Variants in LRRC40 observed in about 807,000 individuals in gnomAD.
The protein encoded by LRRC40 is leucine-rich repeat-containing protein 40.
A neutral mutation model predicts 72.8 loss-of-function variants in LRRC40; 76 were observed. The observed-to-expected ratio is 1.04, with a 90% CI of 0.87 to 1.26. LRRC40 has a LOEUF of 1.26. Among genes scored for constraint, LRRC40 ranks in the 50% most tolerant of loss-of-function variants. LRRC40 has a pLI of 0.00. For missense variants in LRRC40, 684 were observed against 698.9 expected (o/e 0.98, Z 0.24); for synonymous variants, 243 against 254.2 (o/e 0.96, Z 0.42).
At chr1:70,187,154 A>C in intron 3 of LRRC40, 111 bp downstream of exon 3, 1 of 590,226 alleles carries the variant, frequency 1.7e-6, no homozygotes, top group Non-Finnish European at 3.0e-6. Context: ...TTCTGCTTTA[A>C]CTACTTTCTG....
rs147531359 is a variant in LRRC40 at position 70,154,999 on chromosome 1, T to C, written c.1328+690A>G. On this transcript the variant is annotated intron_variant, in intron 11 of 14. Coordinates refer to ENST00000370952, the MANE Select transcript of LRRC40 (RefSeq NM_017768.5). ...TATCAGTACCCTATCCTGTCTCACA[T>C]TGGGTTGTTTTAATTGCTAGATTAT... Among the ~76,000 whole-genome samples, 29 of 152,264 alleles carry C rather than the reference T, an allele frequency of 1.9e-4. No individual in the cohort carries two copies. In the East Asian group the frequency reaches 3.5e-3, roughly 18 times the overall value.
At chr1:70,147,963 T>C (rs988555536) in intron 14 of LRRC40, 1 of 151,904 alleles carries the variant, frequency 6.6e-6, no homozygotes, top group Non-Finnish European at 1.5e-5. Flanking sequence ...TGATGGGAAA[T>C]CAGGGACTAA....
chr1:70,173,627 T>G lies in LRRC40; in HGVS notation c.1060A>C (p.Ile354Leu). The change falls in exon 8 of 15, where the codon ATA (isoleucine) becomes CTA (leucine). Residue 354 changes from isoleucine (I) to leucine (L), a missense_variant. Transcript: ENST00000370952. The stretch of plus-strand genomic sequence containing the variant: ...TGAATTCCAAATATACTTACACTTA[T>G]AATTTCTCTTCGAATTGTTCTCAAA... ...NPLRTIRREIISKGTQEVLKY... is the reference protein window; with the variant it reads ...NPLRTIRREILSKGTQEVLKY... 1 of 1,560,678 alleles carries G rather than the reference T, an allele frequency of 6.4e-7. No individual in the cohort carries two copies. Among genetic ancestry groups the G allele is most frequent in the African/African-American group, 1.4e-5 (1 of 73,300 alleles).
At chr1:70,177,004 G>A (rs535601739) in intron 6 of LRRC40, among the ~76,000 whole-genome samples, 3 of 152,202 alleles carry the variant, frequency 2.0e-5, no homozygotes, top group South Asian at 2.1e-4. Flanking sequence ...GGCCAGGCAC[G>A]GTGGCTCACG....
At chr1:70,174,299 GA>G (rs993767800) in intron 7 of LRRC40, among the ~76,000 whole-genome samples, 80 of 151,888 alleles carry the variant, frequency 5.3e-4, no homozygotes, top group African/African-American at 1.7e-3. Flanking sequence ...TTAAACAAAG[GA>G]AAAAAACACA....
intron 12 of LRRC40, chr1:70,151,914 C>T (rs1667504708): frequency 6.6e-6 from 1 of 152,106 alleles, no homozygotes; most frequent in South Asian, 2.1e-4. Context: ...TAGATGACTA[C>T]CTATTACAAA....
In LRRC40 at chr1:70,148,590, C is replaced by A; in HGVS notation, c.1600G>T (p.Asp534Tyr). The A allele has an allele frequency of 6.2e-7, 1 of 1,612,936 alleles. No homozygotes were observed. Among genetic ancestry groups the A allele is most frequent in the Non-Finnish European group, 8.5e-7 (1 of 1,179,088 alleles). ...TCCATCATCTTCATTTTCTGAGGGT[C>A]CACAGATCCAACCTGATTATTACTA... ...LISNNQVGSV[D>Y]PQKMKMMENL... The change falls in exon 14 of 15, where the codon GAC becomes TAC. Residue 534 changes from aspartate to tyrosine, a missense_variant. By Grantham distance (160) the Asp-to-Tyr change is radical (BLOSUM62 -3). Transcript: ENST00000370952.
intron 5 of LRRC40, among the ~76,000 whole-genome samples, chr1:70,179,847 C>T (rs1473810906): frequency 2.0e-5 from 3 of 152,082 alleles, no homozygotes; most frequent in Admixed American, 2.0e-4. Flanking sequence ...CAGGTAAAGA[C>T]TCCCCTAAAA....
At chr1:70,176,029 T>A in intron 6 of LRRC40, 47 bp from the exon 7 acceptor site, 1 of 1,182,142 alleles carries the variant, frequency 8.5e-7, no homozygotes. Context: ...TTCAATTTTA[T>A]AGTAGATAAT....
At chr1:70,166,197 C>G (rs997926797) in intron 9 of LRRC40, among the ~76,000 whole-genome samples, 1 of 151,924 alleles carries the variant, frequency 6.6e-6, no homozygotes, top group African/African-American at 2.4e-5. Context: ...TATACCTGTA[C>G]AAATACCAAG....
intron 4 of LRRC40, 39 bp downstream of exon 4, chr1:70,184,746 A>G: frequency 6.4e-7 from 1 of 1,552,286 alleles, no homozygotes; most frequent in Non-Finnish European, 8.7e-7. Flanking sequence ...AAATCCCACC[A>G]GCCCCAAATT....
At chr1:70,169,383 C>T (rs562363330) in intron 9 of LRRC40, among the ~76,000 whole-genome samples, 55 of 152,238 alleles carry the variant, frequency 3.6e-4, no homozygotes, top group African/African-American at 1.3e-3. Context: ...CCACCCAGAA[C>T]GCTGGCCCCA....
chr1:70,175,167 C>CA (rs1201403785), intron 7 of LRRC40, among the ~76,000 whole-genome samples: 5 of 151,988 alleles, frequency 3.3e-5, no homozygotes, highest in African/African-American at 1.2e-4. Flanking sequence ...TCAATGTAGT[C>CA]AGAGAGCAAG....
At chr1:70,192,159 T>C (rs951276499) in intron 1 of LRRC40, among the ~76,000 whole-genome samples, 1 of 152,158 alleles carries the variant, frequency 6.6e-6, no homozygotes, top group African/African-American at 2.4e-5. Flanking sequence ...CAGTGTTTTG[T>C]AATTCTCATT....
intron 13 of LRRC40, 67 bp from the exon 14 acceptor site, chr1:70,148,739 T>G (rs569702133): frequency 1.0e-6 from 1 of 958,128 alleles, no homozygotes; most frequent in Non-Finnish European, 1.5e-6. Context: ...TTAAAACATA[T>G]TATCTTAAAT....
intron 13 of LRRC40, 107 bp from the exon 14 acceptor site, chr1:70,148,779 G>A (rs1558106681): frequency 1.6e-6 from 1 of 628,126 alleles, no homozygotes; most frequent in Non-Finnish European, 2.5e-6. Flanking sequence ...TTTAGTGTAT[G>A]TTATTCTGTA....
chr1:70,199,360 C>CT (rs1248208402), intron 1 of LRRC40, among the ~76,000 whole-genome samples: 1 of 151,970 alleles, frequency 6.6e-6, no homozygotes, highest in East Asian at 1.9e-4. Context: ...AGCAGACCTG[C>CT]TTTTATGAAT....
chr1:70,169,988 T>C (rs187245088), intron 9 of LRRC40, among the ~76,000 whole-genome samples: 1 of 151,988 alleles, frequency 6.6e-6, no homozygotes, highest in Non-Finnish European at 1.5e-5. Flanking sequence ...AAACAACAGA[T>C]GAATAACTCT....
rs1472396552 is a variant in LRRC40, at chr1:70,181,130, C to A, written c.617G>T (p.Ser206Ile). 2.5e-6 allele frequency: 4 copies of A among 1,593,990 alleles called. No homozygotes were observed. The highest frequency in any genetic ancestry group is 2.7e-5 in the African/African-American group (2 of 74,168). Reference sequence around the variant, plus strand: ...TGCTGGCAAACTCTTCAGTTCATTACTAGAAAGATTGAGTCGCACCAGACT... The same window carrying A: ...TGCTGGCAAACTCTTCAGTTCATTAATAGAAAGATTGAGTCGCACCAGACT... ...LSSLVRLNLS[S>I]NELKSLPAEI... Residue 206 changes from serine (S) to isoleucine (I), a missense_variant, in exon 5 of 15, where the codon AGT becomes ATT. By Grantham distance (142) the Ser-to-Ile change is moderately radical (BLOSUM62 -2). Coordinates refer to ENST00000370952, the MANE Select transcript of LRRC40 (RefSeq NM_017768.5).
Sources: allele counts gnomAD v4.1 joint callset (sites outside exome capture counted in the v4.1 genomes callset), GRCh38; gene constraint gnomAD v4.1.1; transcripts MANE v1.5; gene names NCBI Gene and HGNC (gene_info 2026-07-23, HGNC 2026-07-21).